POLR1A: variants seen among roughly 807,000 people sequenced by gnomAD.
POLR1A encodes the protein DNA-directed RNA polymerase I subunit RPA1.
POLR1A carries 84 observed loss-of-function variants against 205.3 expected under a neutral mutation model. The ratio of observed to expected loss-of-function variants is 0.41; its 90% confidence interval spans 0.34 to 0.49. POLR1A has a LOEUF of 0.49. Among genes scored for constraint, POLR1A ranks in the 20% least tolerant of loss-of-function variants. The probability of loss-of-function intolerance (pLI) is 0.22; values close to 1 mark genes in which losing one functional copy is unlikely to be tolerated. For synonymous variants in POLR1A, 799 were observed against 863.7 expected (o/e 0.93, Z 1.31); for missense variants, 1,645 against 2,204.5 (o/e 0.75, Z 5.08).
intron 18 of POLR1A, 144 bp from the exon 19 acceptor site, chr2:86,047,407 A>AGC (rs1170757385): frequency 3.3e-6 from 2 of 615,248 alleles, no homozygotes; most frequent in East Asian, 5.7e-5. Flanking sequence ...GGTAAGAGAA[A>AGC]GCCTCATTCA....
intron 27 of POLR1A, among the ~76,000 whole-genome samples, chr2:86,038,166 A>G (rs547170330): frequency 1.1e-4 from 17 of 152,266 alleles, no homozygotes; most frequent in African/African-American, 3.9e-4. Context: ...CCTTTTCCCT[A>G]CTGGACAGGA....
rs544924011 is a variant in POLR1A, at chr2:86,045,844, G to A, written c.2734-75C>T. 3.0e-6 allele frequency: 4 copies of A among 1,322,770 alleles called. No homozygotes were observed. The East Asian group carries it at 7.4e-5, about 24-fold the overall frequency. The allele number at this position is 1,322,770 out of a possible 1,614,324, so 81.9% of individuals were successfully genotyped here. A position where few individuals can be genotyped will look rare whatever the true frequency, so the allele number is the denominator to read the frequency against. On this transcript the variant is annotated intron_variant, in intron 19 of 33. Transcript: ENST00000263857. ...ACAGTGCTTTGTCCCAGCAGGGAAA[G>A]TATAATCTGACCTTGAAGAAAAGCT...
At chr2:86,062,651 GA>G (rs527434208) in intron 14 of POLR1A, among the ~76,000 whole-genome samples, 8 of 145,982 alleles carry the variant, frequency 5.5e-5, no homozygotes, top group South Asian at 2.2e-4. Context: ...AAAGAACTAG[GA>G]AAAAAAAAAG....
At chr2:86,084,878 T>C (rs1198987036) in intron 6 of POLR1A, among the ~76,000 whole-genome samples, 1 of 152,182 alleles carries the variant, frequency 6.6e-6, no homozygotes, top group Non-Finnish European at 1.5e-5. Flanking sequence ...CATAAGTTTT[T>C]AGAGAAATCC....
chr2:86,047,034 G>A, intron 19 of POLR1A, 131 bp downstream of exon 19: 4 of 621,794 alleles, frequency 6.4e-6, no homozygotes, highest in African/African-American at 1.8e-5. Context: ...GTTAGCTCCT[G>A]TAGTGATTTC....
In POLR1A at chr2:86,043,027, C is replaced by T. The variant is rs1461037484; in HGVS notation, c.3304G>A (p.Ala1102Thr). The T allele has an allele frequency of 3.7e-6, 6 of 1,614,052 alleles. No homozygotes were observed. Among genetic ancestry groups the T allele is most frequent in the African/African-American group, 1.3e-5 (1 of 74,918 alleles). ...CGGTTTTCACTCTCAAGTTTCAGGG[C>T]TTTCACAGCTTCCTGAATTTTCTGG... ...YSQKIQEAVK[A>T]LKLESENRNG... is the part of the protein sequence containing the mutation. The change falls in exon 23 of 34, where the codon GCC becomes ACC. Residue 1102 changes from alanine to threonine, a missense_variant. This residue lies in a region of POLR1A where 201 missense variants were observed against 222.3 expected (regional missense o/e 0.90). Transcript: ENST00000263857.
In POLR1A at chr2:86,070,360, G is replaced by A; in HGVS notation, c.1612-88C>T. The A allele has an allele frequency of 7.1e-7, 1 of 1,414,052 alleles. No homozygotes were observed. Among genetic ancestry groups the A allele is most frequent in the South Asian group, 1.4e-5 (1 of 72,406 alleles). The allele number at this position is 1,414,052 out of a possible 1,614,324, so 87.6% of individuals were successfully genotyped here. On this transcript the variant is annotated intron_variant, in intron 12 of 33. Coordinates refer to ENST00000263857, the MANE Select transcript of POLR1A (RefSeq NM_015425.6). The surrounding 1 kb of genome is among the most constrained non-coding windows in gnomAD (Gnocchi z 4.4). ...AAGTGCTCACCTCAGCTTGACCAAG[G>A]TGTGGCTTTTGTCTCACGTTCTAGT...
intron 3 of POLR1A, among the ~76,000 whole-genome samples, chr2:86,097,446 G>A (rs540525985): frequency 6.6e-6 from 1 of 152,166 alleles, no homozygotes; most frequent in South Asian, 2.1e-4. Context: ...GCACCCCCAT[G>A]GTTATTGCAG....
chr2:86,038,583 G>T (rs555991364), intron 27 of POLR1A, 117 bp downstream of exon 27: 42 of 938,204 alleles, frequency 4.5e-5, no homozygotes, highest in Admixed American at 6.7e-5. Context: ...TCCCTTGAAG[G>T]GCTCATTTGG....
rs1380108409 is a variant in POLR1A, at chr2:86,098,622, T to C, written c.421A>G (p.Ile141Val). ...ALQAVYELER[I>V]LNRFLEENPD... is the part of the protein sequence containing the mutation. ...CACTACCCACCTACCCTGTTCAGAATTCTCTCAAGCTCGTAGACTGCTTGT... is the reference window on the plus strand; with the variant it reads ...CACTACCCACCTACCCTGTTCAGAACTCTCTCAAGCTCGTAGACTGCTTGT... Residue 141 changes from isoleucine (I) to valine (V), a missense_variant, in exon 3 of 34, where the codon ATT (isoleucine) becomes GTT (valine). Ile to Val is a conservative substitution (Grantham distance 29, BLOSUM62 3). This residue lies in a region of POLR1A where 330 missense variants were observed against 375.6 expected (regional missense o/e 0.88). Coordinates refer to ENST00000263857, the MANE Select transcript of POLR1A (RefSeq NM_015425.6). 1.9e-6 allele frequency: 3 copies of C among 1,613,450 alleles called. No individual in the cohort carries two copies. The highest frequency in any genetic ancestry group is 2.5e-6 in the Non-Finnish European group (3 of 1,179,874).
intron 12 of POLR1A, among the ~76,000 whole-genome samples, chr2:86,073,940 T>C (rs1267797090): frequency 1.3e-5 from 2 of 152,240 alleles, no homozygotes; most frequent in African/African-American, 4.8e-5. Flanking sequence ...ACCAGGCACT[T>C]AGGAAAGGCA....
Position 86,082,770 on chromosome 2 carries a change from G to C in POLR1A, c.817+312C>G, listed in dbSNP as rs192874949. Among the ~76,000 whole-genome samples, 22 of 152,188 alleles carry C rather than the reference G, an allele frequency of 1.4e-4. No homozygotes were observed. In the East Asian group the frequency reaches 3.5e-3, roughly 24 times the overall value. On this transcript the variant is annotated intron_variant, in intron 7 of 33. Coordinates refer to ENST00000263857, the MANE Select transcript of POLR1A (RefSeq NM_015425.6). ...CAGAAGGACAAAGCATTTTACTTAC[G>C]GGCATTTAAAATAAGTTACACTGAA...
intron 16 of POLR1A, among the ~76,000 whole-genome samples, chr2:86,051,702 G>C (rs1558769475): frequency 6.6e-6 from 1 of 152,236 alleles, no homozygotes; most frequent in African/African-American, 2.4e-5. Flanking sequence ...CCTGGCCAGG[G>C]GCTGAGCCTT....
intron 14 of POLR1A, among the ~76,000 whole-genome samples, chr2:86,058,396 GC>G (rs1672937342): frequency 7.3e-6 from 1 of 137,288 alleles, no homozygotes; most frequent in African/African-American, 2.9e-5. Context: ...ACCTCACCCA[GC>G]CTTTTTTTTT....
rs1200978699 is a variant in POLR1A at position 86,021,073 on chromosome 2, T to C, written c.*6350A>G. 2 of 152,250 alleles carry C rather than the reference T, an allele frequency of 1.3e-5. No individual in the cohort carries two copies. The highest frequency in any genetic ancestry group is 2.9e-5 in the Non-Finnish European group (2 of 68,052). 9.4% of individuals were successfully genotyped at this position (152,250 alleles called of 1,614,324 possible). On this transcript the variant is annotated 3_prime_UTR_variant, in exon 34 of 34. Coordinates refer to ENST00000263857, the MANE Select transcript of POLR1A (RefSeq NM_015425.6). The stretch of plus-strand genomic sequence containing the variant: ...CACTGCTCAATCACATTCTTGAGGT[T>C]TGATTGGCTGAACGCACGTGGAACA...
intron 28 of POLR1A, among the ~76,000 whole-genome samples, chr2:86,032,877 C>T (rs903108162): frequency 3.3e-5 from 5 of 152,216 alleles, no homozygotes; most frequent in African/African-American, 7.2e-5. Context: ...AGATAGTCCA[C>T]ACCCGCTTGT....
chr2:86,087,750 C>T (rs1673527595), intron 6 of POLR1A, among the ~76,000 whole-genome samples: 1 of 65,112 alleles, frequency 1.5e-5, no homozygotes, highest in South Asian at 6.7e-4. Flanking sequence ...ACCACGTTGG[C>T]CAGGCCGGTC....
At chr2:86,064,205 C>T (rs1455297469) in intron 14 of POLR1A, among the ~76,000 whole-genome samples, 1 of 151,982 alleles carries the variant, frequency 6.6e-6, no homozygotes, top group African/African-American at 2.4e-5. Flanking sequence ...AGTGACTACA[C>T]TATGCAAGAA....
chr2:86,065,201 C>T (rs1285420529), intron 14 of POLR1A, 73 bp downstream of exon 14: 1 of 1,341,092 alleles, frequency 7.5e-7, no homozygotes, highest in Non-Finnish European at 1.0e-6. Context: ...CTGGACTCTT[C>T]TGAGAATAAA....
Sources: gnomAD v4.1 joint callset for allele counts (sites outside exome capture counted in the v4.1 genomes callset) on GRCh38, gnomAD v4.1.1 for gene constraint, gnomAD v4.1.1 regional missense constraint, Gnocchi (gnomAD v3.1) non-coding constraint, MANE v1.5 for transcripts, NCBI Gene and HGNC (gene_info 2026-07-23, HGNC 2026-07-21) for gene names.